The following JMY variants were observed in gnomAD, a reference collection of about 807,000 sequenced individuals.
JMY encodes junction mediating and regulatory protein, p53 cofactor, also known as junction-mediating and -regulatory protein.
JMY carries 46 observed loss-of-function variants against 103.3 expected under a neutral mutation model. The ratio of observed to expected loss-of-function variants is 0.45; its 90% CI spans 0.35 to 0.57. JMY has a LOEUF of 0.57. Among genes scored for constraint, JMY ranks in the 20% least tolerant of loss-of-function variants. JMY has a pLI of 0.00. For synonymous variants in JMY, 526 were observed against 489.3 expected, an observed-to-expected ratio of 1.07 and a Z score of -0.99; for missense variants, 1,238 against 1,255.2, an observed-to-expected ratio of 0.99 and a Z score of 0.21.
chr5:79,236,622 C>T lies in JMY; in HGVS notation c.-29C>T, dbSNP rs532463874. The T allele has an allele frequency of 3.7e-6, 5 of 1,362,160 alleles. No homozygotes were observed. In the African/African-American group the frequency reaches 4.5e-5, roughly 12 times the overall value. 84.4% of individuals were successfully genotyped at this position (1,362,160 alleles called of 1,614,324 possible). A position where few individuals can be genotyped will look rare whatever the true frequency, so the allele number is the denominator to read the frequency against. On this transcript the variant is annotated 5_prime_UTR_variant, in exon 1 of 11. Coordinates refer to ENST00000396137, the MANE Select transcript of JMY (RefSeq NM_152405.5). ...CCTCGGGCGGGCCGGGCCGGCGGCC[C>T]TTCCCCGCGGCGAGAAGCCGGAGCC...
intron 10 of JMY, among the ~76,000 whole-genome samples, chr5:79,319,726 G>C (rs756061579): frequency 1.3e-5 from 2 of 151,886 alleles, no homozygotes; most frequent in Non-Finnish European, 2.9e-5. Flanking sequence ...GATTATAGGC[G>C]TGTGTTACCA....
rs1561297896 is a variant in JMY at position 79,270,573 on chromosome 5, G to GTATATTTACATAAGTATTTACATAAAATA, written c.1033-7324_1033-7323insGTATTTACATAAAATATATATTTACATAA. Among the ~76,000 whole-genome samples, 9 of 28,996 alleles carry GTATATTTACATAAGTATTTACATAAAATA rather than the reference G, an allele frequency of 3.1e-4. 1 individual carries two copies. Among genetic ancestry groups the GTATATTTACATAAGTATTTACATAAAATA allele is most frequent in the African/African-American group, 6.8e-4 (8 of 11,796 alleles). The allele number at this position is 28,996 out of a possible 152,430, so 19.0% of individuals were successfully genotyped here. ...GTATATTTACATAAATATTTAAAAT[G>GTATATTTACATAAGTATTTACATAAAATA]TATATTTACATAAATATTTAAAATG... On this transcript the variant is annotated intron_variant, in intron 1 of 10. Coordinates refer to ENST00000396137, the MANE Select transcript of JMY (RefSeq NM_152405.5).
intron 6 of JMY, among the ~76,000 whole-genome samples, 165 bp downstream of exon 6, chr5:79,301,028 A>G (rs906144692): frequency 6.6e-6 from 1 of 152,192 alleles, no homozygotes; most frequent in Admixed American, 6.5e-5. Context: ...TCTTAAACAC[A>G]TTGGAACAGC....
Position 79,236,506 on chromosome 5 carries a change from C to A in JMY, c.-145C>A. Reference sequence around the variant, plus strand: ...GGCGGTCGGGGCGCGGAGGGACAGGCGAACGAGCCGGGAGAGCCGGCCGGC... The same window carrying A: ...GGCGGTCGGGGCGCGGAGGGACAGGAGAACGAGCCGGGAGAGCCGGCCGGC... On this transcript the variant is annotated 5_prime_UTR_variant, in exon 1 of 11. Transcript: ENST00000396137. The A allele has an allele frequency of 5.5e-6, 3 of 546,440 alleles. No individual in the cohort carries two copies. Among genetic ancestry groups the A allele is most frequent in the East Asian group, 3.6e-5 (1 of 27,844 alleles). 33.8% of individuals were successfully genotyped at this position (546,440 alleles called of 1,614,324 possible). A position where few individuals can be genotyped will look rare whatever the true frequency, so the allele number is the denominator to read the frequency against.
At chr5:79,272,490 C>A (rs1265918304) in intron 1 of JMY, among the ~76,000 whole-genome samples, 5 of 151,172 alleles carry the variant, frequency 3.3e-5, no homozygotes, top group African/African-American at 4.9e-5. Flanking sequence ...GTTTTTACTT[C>A]TTTTTTCTCC....
chr5:79,311,161 T>C (rs2112116591), intron 7 of JMY, among the ~76,000 whole-genome samples: 1 of 151,582 alleles, frequency 6.6e-6, no homozygotes, highest in African/African-American at 2.4e-5. Flanking sequence ...TTTTTTTTTT[T>C]TTTTGGTAGA....
intron 3 of JMY, 33 bp downstream of exon 3, chr5:79,290,304 T>A: frequency 2.4e-6 from 3 of 1,265,006 alleles, no homozygotes; most frequent in Non-Finnish European, 3.2e-6. Context: ...CCTTTAGGTA[T>A]TTTTGAAAAT....
chr5:79,259,671 T>C (rs1745358137), intron 1 of JMY, among the ~76,000 whole-genome samples: 1 of 152,160 alleles, frequency 6.6e-6, no homozygotes. Flanking sequence ...GGGGCTGGTG[T>C]GTCAGCACTG....
At chr5:79,247,637 C>CT (rs1414617534) in intron 1 of JMY, among the ~76,000 whole-genome samples, 12 of 151,516 alleles carry the variant, frequency 7.9e-5, no homozygotes, top group Admixed American at 7.9e-4. Context: ...CTTCTATTTC[C>CT]TTTTTATTTT....
intron 2 of JMY, among the ~76,000 whole-genome samples, chr5:79,289,221 C>T (rs1266067017): frequency 5.2e-5 from 7 of 134,822 alleles, no homozygotes; most frequent in Admixed American, 1.6e-4. Context: ...GACAACAAAG[C>T]GAGACGCCGT....
chr5:79,300,091 TACTA>T (rs1391553945), intron 4 of JMY, 58 bp from the exon 5 acceptor site: 45 of 1,388,946 alleles, frequency 3.2e-5, no homozygotes, highest in Middle Eastern at 3.5e-4. Context: ...TAATTTTTAA[TACTA>T]ACTCAATTTT....
At chr5:79,284,547 C>G in intron 2 of JMY, 1 of 1,540,146 alleles carries the variant, frequency 6.5e-7, no homozygotes, top group Non-Finnish European at 8.9e-7. Context: ...GTCCTGACGT[C>G]AACGTGAGCT....
At chr5:79,260,929 C>T (rs1433920434) in intron 1 of JMY, among the ~76,000 whole-genome samples, 1 of 152,140 alleles carries the variant, frequency 6.6e-6, no homozygotes, top group Non-Finnish European at 1.5e-5. Flanking sequence ...GATGCAGTAT[C>T]ATTGCTGGGG....
intron 1 of JMY, among the ~76,000 whole-genome samples, chr5:79,261,929 C>T (rs1745436092): frequency 6.6e-6 from 1 of 152,200 alleles, no homozygotes; most frequent in Non-Finnish European, 1.5e-5. Flanking sequence ...CCAACCTCTG[C>T]TTCATGTTTC....
rs368551236 is a variant in JMY, at chr5:79,248,142, C to T, written c.1032+10460C>T. On this transcript the variant is annotated intron_variant, in intron 1 of 10. Transcript: ENST00000396137. ...TCCTGACCTCATGATCCGCCCACCTCGGCCTCCCAAAGTGCTGGGATTACA... is the reference window on the plus strand; with the variant it reads ...TCCTGACCTCATGATCCGCCCACCTTGGCCTCCCAAAGTGCTGGGATTACA... 1.4e-4 allele frequency among the ~76,000 whole-genome samples: 22 copies of T among 152,066 alleles called. 1 individual carries two copies. Among genetic ancestry groups the T allele is most frequent in the Admixed American group, 5.9e-4 (9 of 15,252 alleles).
rs1341498145 is a variant in JMY, at chr5:79,237,142, C to G, written c.492C>G (p.Ala164=). 18 of 1,547,628 alleles carry G rather than the reference C, an allele frequency of 1.2e-5. No individual in the cohort carries two copies. The highest frequency in any genetic ancestry group is 1.6e-5 in the Non-Finnish European group (18 of 1,145,588). Residue 164 remains alanine (A), a synonymous_variant, in exon 1 of 11, where the codon GCC becomes GCG. Coordinates refer to ENST00000396137, the MANE Select transcript of JMY (RefSeq NM_152405.5). ...AAGCCGACGATGCGGCGGGGGCAGC[C>G]GCTGCAGCAGCCCGGCCGGCGCCCA... The part of the protein sequence containing the change: ...TSEADDAAGA[A]AAAARPAPRE...
At chr5:79,312,786 T>G (rs1057037235) in intron 8 of JMY, among the ~76,000 whole-genome samples, 1 of 152,280 alleles carries the variant, frequency 6.6e-6, no homozygotes, top group South Asian at 2.1e-4. Flanking sequence ...TTTAAAAAAT[T>G]AGTTAAATCA....
intron 1 of JMY, among the ~76,000 whole-genome samples, chr5:79,257,045 T>TTTA (rs1160321800): frequency 5.3e-5 from 8 of 151,634 alleles, no homozygotes; most frequent in East Asian, 3.9e-4. Context: ...CATTCCTTAT[T>TTTA]TTATTATTAT....
chr5:79,276,374 C>G (rs1745936036), intron 1 of JMY, among the ~76,000 whole-genome samples: 1 of 152,114 alleles, frequency 6.6e-6, no homozygotes. Flanking sequence ...CCTGCCTCGG[C>G]CTCCCAAAGT....
Sources: allele counts gnomAD v4.1 joint callset (sites outside exome capture counted in the v4.1 genomes callset), GRCh38; gene constraint gnomAD v4.1.1; transcripts MANE v1.5; gene names NCBI Gene and HGNC (gene_info 2026-07-23, HGNC 2026-07-21).